KANSL1: variants seen among roughly 807,000 people sequenced by gnomAD.
The protein encoded by KANSL1 is KAT8 regulatory NSL complex subunit 1, also known as MLL1/MLL complex subunit KANSL1.
KANSL1 carries 22 observed loss-of-function variants against 103.6 expected under a neutral mutation model. The ratio of observed to expected loss-of-function variants is 0.21; its 90% CI spans 0.15 to 0.30. The LOEUF is 0.30. Ranked by LOEUF, KANSL1 falls within the 10% of genes least tolerant of loss-of-function variation. KANSL1 has a pLI of 1.00. For missense variants in KANSL1, 1,337 were observed against 1,399.8 expected (o/e 0.96, Z 0.72); for synonymous variants, 600 against 527.6 (o/e 1.14, Z -1.88).
intron 2 of KANSL1, among the ~76,000 whole-genome samples, chr17:46,157,851 A>T (rs1465060407): frequency 6.6e-6 from 1 of 152,268 alleles, no homozygotes; most frequent in Non-Finnish European, 1.5e-5. Flanking sequence ...TTGAATAAGG[A>T]TCTTGAAAAA....
At chr17:46,191,242 C>T (rs1158457059) in intron 1 of KANSL1, among the ~76,000 whole-genome samples, 1 of 152,156 alleles carries the variant, frequency 6.6e-6, no homozygotes, top group African/African-American at 2.4e-5. Context: ...AGATCAACAC[C>T]GAAATGCTAA....
Position 46,082,449 on chromosome 17 carries a change from C to G in KANSL1, c.1525G>C (p.Asp509His). The change falls in exon 4 of 15, where the codon GAT (aspartate) becomes CAT (histidine). Residue 509 changes from aspartate (D) to histidine (H), a missense_variant. Coordinates refer to ENST00000432791, the MANE Select transcript of KANSL1 (RefSeq NM_015443.4). ...SSEVKTDHGT[D>H]KLIESVSQPL... ...CTATCTTTTATACTTACCAATTTAT[C>G]AGTCCCATGATCTGTCTTCACCTCA... The G allele has an allele frequency of 6.2e-7, 1 of 1,602,784 alleles. No homozygotes were observed. Among genetic ancestry groups the G allele is most frequent in the Non-Finnish European group, 8.5e-7 (1 of 1,170,058 alleles).
chr17:46,209,140 G>A lies in KANSL1; in HGVS notation c.-90+14531C>T, dbSNP rs989481471. ...GGAGGTTGCAGTGAGCCAAGATTGC[G>A]CCGATTGCACTCCAGCCTGAGTGAC... On this transcript the variant is annotated intron_variant, in intron 1 of 14. Coordinates refer to the KANSL1 transcript ENST00000572904. Among the ~76,000 whole-genome samples the A allele has an allele frequency of 9.9e-5, 15 of 151,484 alleles. 1 individual carries two copies. Among genetic ancestry groups the A allele is most frequent in the African/African-American group, 1.9e-4 (8 of 41,170 alleles).
chr17:46,124,809 T>C (rs959807309), intron 2 of KANSL1, among the ~76,000 whole-genome samples: 3 of 151,658 alleles, frequency 2.0e-5, no homozygotes, highest in African/African-American at 7.3e-5. Context: ...GAATTAGAAA[T>C]AGAGCCTGAA....
rs200997135 is a variant in KANSL1 at position 46,171,131 on chromosome 17, A to C, written c.1013T>G (p.Leu338Trp). 6.2e-7 allele frequency: 1 copy of C among 1,614,078 alleles called. No homozygotes were observed. The highest frequency in any genetic ancestry group is 8.5e-7 in the Non-Finnish European group (1 of 1,180,042). The part of the protein sequence containing the change: ...TLSKLPNLES[L>W]RPRSQLMLTR... ...CAGCATCAACTGGCTCCGTGGTCTC[A>C]AGGATTCCAAGTTTGGCAGTTTGCT... Residue 338 changes from leucine (L) to tryptophan (W), a missense_variant, in exon 2 of 15, where the codon TTG becomes TGG. By Grantham distance (61) the Leu-to-Trp change is moderately conservative. Around this residue, in one of 2 missense-constraint regions of KANSL1, gnomAD observed 557 missense variants for 476.4 expected, o/e 1.17. Transcript: ENST00000432791.
At chr17:46,202,005 TCAAA>T (rs67746174) in intron 1 of KANSL1, among the ~76,000 whole-genome samples, 21,935 of 152,016 alleles carry the variant, frequency 0.14, 2,134 homozygotes, top group Non-Finnish European at 0.22. Flanking sequence ...AGACCCCATC[TCAAA>T]CAAACAAAAA....
intron 2 of KANSL1, among the ~76,000 whole-genome samples, chr17:46,130,041 C>T (rs576669089): frequency 7.0e-6 from 1 of 142,254 alleles, no homozygotes; most frequent in East Asian, 1.9e-4. Context: ...CAAAAATTAG[C>T]CAGGTATGGT....
chr17:46,154,713 T>A (rs879368596), intron 2 of KANSL1, among the ~76,000 whole-genome samples: 7 of 152,248 alleles, frequency 4.6e-5, no homozygotes, highest in Non-Finnish European at 7.3e-5. Flanking sequence ...AAGGATATTG[T>A]ATGCTTTTCT....
intron 3 of KANSL1, among the ~76,000 whole-genome samples, chr17:46,091,238 T>C (rs1316822906): frequency 6.6e-6 from 1 of 152,204 alleles, no homozygotes; most frequent in Non-Finnish European, 1.5e-5. Context: ...CATTTTAAAA[T>C]GGAAAGTTTT....
chr17:46,108,863 TATAGTCCACACTC>T, intron 2 of KANSL1, among the ~76,000 whole-genome samples: 1 of 152,194 alleles, frequency 6.6e-6, no homozygotes, highest in Non-Finnish European at 1.5e-5. Context: ...GTCAAGCAAT[TATAGTCCACACTC>T]TTAGTCCAAG....
At chr17:46,211,210 C>T (rs1338574240) in intron 1 of KANSL1, among the ~76,000 whole-genome samples, 4 of 103,648 alleles carry the variant, frequency 3.9e-5, no homozygotes, top group Non-Finnish European at 7.2e-5. Context: ...TCCCTAAAGA[C>T]AATGTGATGT....
At position 46,030,552 on chromosome 17, in the gene KANSL1, T is replaced by C; in HGVS notation, c.*924A>G. On this transcript the variant is annotated 3_prime_UTR_variant, in exon 15 of 15. Transcript: ENST00000432791. ...AGAGTGGAACTAACACCGACAGGGA[T>C]CTGGATGTGAAGGAAACATGGCAAA... 6.8e-6 allele frequency: 1 copy of C among 147,950 alleles called. No individual in the cohort carries two copies. Among genetic ancestry groups the C allele is most frequent in the Non-Finnish European group, 1.5e-5 (1 of 67,360 alleles). The allele number at this position is 147,950 out of a possible 1,614,324, so 9.2% of individuals were successfully genotyped here.
chr17:46,094,720 A>G lies in KANSL1; in HGVS notation c.1290-19T>C. 1 of 1,614,038 alleles carries G rather than the reference A, an allele frequency of 6.2e-7. No individual in the cohort carries two copies. ...GCGTCTCCTAAAAGGAAATAAACTG[A>G]GTGAAATCCAAGAGTAGCAGTAATA... On this transcript the variant is annotated intron_variant, in intron 2 of 14. Coordinates refer to ENST00000432791, the MANE Select transcript of KANSL1 (RefSeq NM_015443.4).
chr17:46,052,794 T>TTA (rs1555739574), intron 6 of KANSL1, among the ~76,000 whole-genome samples: 4 of 118,308 alleles, frequency 3.4e-5, no homozygotes, highest in Non-Finnish European at 5.0e-5. Context: ...AATTTAAAAT[T>TTA]AAAAAAAAAA....
chr17:46,119,119 G>A (rs1160223202), intron 2 of KANSL1, among the ~76,000 whole-genome samples: 1 of 152,128 alleles, frequency 6.6e-6, no homozygotes, highest in Non-Finnish European at 1.5e-5. Context: ...TTTGTTCCGG[G>A]CATTGTGCTA....
At chr17:46,174,957 GA>G in intron 1 of KANSL1, among the ~76,000 whole-genome samples, 1 of 152,286 alleles carries the variant, frequency 6.6e-6, no homozygotes, top group Middle Eastern at 3.4e-3. Flanking sequence ...TGCCCAGCCT[GA>G]ATTACTTATT....
At chr17:46,210,771 G>T (rs1048557720) in intron 1 of KANSL1, among the ~76,000 whole-genome samples, 1 of 152,120 alleles carries the variant, frequency 6.6e-6, no homozygotes, top group Non-Finnish European at 1.5e-5. Flanking sequence ...TGATGGAAAG[G>T]GTTTCTAAAT....
At chr17:46,059,640 A>AG (rs2078078568) in intron 6 of KANSL1, among the ~76,000 whole-genome samples, 16 of 67,636 alleles carry the variant, frequency 2.4e-4, no homozygotes, top group Admixed American at 2.0e-4. Flanking sequence ...AAAAAAAAAA[A>AG]AAAAAAAAGA....
intron 4 of KANSL1, among the ~76,000 whole-genome samples, chr17:46,070,829 A>G (rs2078548893): frequency 6.6e-6 from 1 of 152,208 alleles, no homozygotes; most frequent in Non-Finnish European, 1.5e-5. Context: ...TCTAGAAGGT[A>G]CTACGTTTAA....
Sources: allele counts gnomAD v4.1 joint callset (sites outside exome capture counted in the v4.1 genomes callset), GRCh38; gene constraint gnomAD v4.1.1; regional missense constraint gnomAD v4.1.1; transcripts MANE v1.5; gene names NCBI Gene and HGNC (gene_info 2026-07-23, HGNC 2026-07-21).